Variants in UNC80 observed in about 807,000 individuals in gnomAD.
The protein encoded by UNC80 is protein unc-80 homolog.
Under a neutral mutation model 384.6 loss-of-function variants are expected in UNC80, and 164 were observed. The observed-to-expected ratio is 0.43, with a 90% CI of 0.38 to 0.49. The LOEUF (loss-of-function observed/expected upper bound fraction) is 0.49. Among genes scored for constraint, UNC80 ranks in the 20% least tolerant of loss-of-function variants. The pLI, the probability that UNC80 is intolerant of heterozygous loss-of-function variation, is 0.00. For missense variants in UNC80, 3,330 were observed against 4,143.0 expected, an observed-to-expected ratio of 0.80 and a Z score of 5.39; for synonymous variants, 1,486 against 1,527.8, an observed-to-expected ratio of 0.97 and a Z score of 0.64.
intron 22 of UNC80, among the ~76,000 whole-genome samples, chr2:209,863,743 T>C (rs1249929044): frequency 1.3e-5 from 2 of 152,008 alleles, no homozygotes; most frequent in Non-Finnish European, 2.9e-5. Context: ...CTCTAACCTT[T>C]TATCAAGGTT....
chr2:209,968,556 ATTC>A (rs1346126192), intron 52 of UNC80: 1 of 152,148 alleles, frequency 6.6e-6, no homozygotes, highest in Non-Finnish European at 1.5e-5. Context: ...TTGTTTTTAT[ATTC>A]TTTTATACCG....
intron 7 of UNC80, among the ~76,000 whole-genome samples, chr2:209,807,009 A>G (rs2078941630): frequency 6.6e-6 from 1 of 152,238 alleles, no homozygotes; most frequent in Non-Finnish European, 1.5e-5. Flanking sequence ...TGGAAAGTAG[A>G]CTAAAGAAAT....
In UNC80 at chr2:209,989,095, T is replaced by C. The variant is rs2093345281; in HGVS notation, c.9315-3071T>C. On this transcript the variant is annotated intron_variant, in intron 61 of 64. Transcript: ENST00000673920. ...TGGGAGGCCGAGGCAGGCAGATTGC[T>C]TGAGGCCAGGAGTTTGAGACCAGCC... Among the ~76,000 whole-genome samples the C allele has an allele frequency of 2.0e-5, 3 of 151,806 alleles. No individual in the cohort carries two copies. In the South Asian group the frequency reaches 6.2e-4, roughly 32 times the overall value.
At chr2:209,808,619 G>C (rs1020873063) in intron 7 of UNC80, among the ~76,000 whole-genome samples, 2 of 152,162 alleles carry the variant, frequency 1.3e-5, no homozygotes, top group African/African-American at 4.8e-5. Flanking sequence ...GCCTTAGGGG[G>C]AGGCACGCCT....
chr2:209,981,614 A>C (rs987020045), intron 59 of UNC80, among the ~76,000 whole-genome samples: 3 of 152,198 alleles, frequency 2.0e-5, no homozygotes, highest in Non-Finnish European at 4.4e-5. Flanking sequence ...AAAACAAAAA[A>C]AACTCTGCTT....
intron 21 of UNC80, among the ~76,000 whole-genome samples, chr2:209,846,272 G>T (rs2082164313): frequency 1.3e-5 from 2 of 151,940 alleles, no homozygotes; most frequent in Admixed American, 1.3e-4. Flanking sequence ...AACTGTATCT[G>T]GTGAACATGA....
intron 7 of UNC80, among the ~76,000 whole-genome samples, chr2:209,796,715 C>G (rs1361419172): frequency 1.3e-5 from 2 of 152,182 alleles, no homozygotes; most frequent in African/African-American, 4.8e-5. Flanking sequence ...TCATTTTTCT[C>G]TTGCTGCCAC....
At chr2:209,859,821 T>G (rs1269527136) in intron 22 of UNC80, among the ~76,000 whole-genome samples, 1 of 152,212 alleles carries the variant, frequency 6.6e-6, no homozygotes, top group Non-Finnish European at 1.5e-5. Flanking sequence ...GGCTGCATAA[T>G]GTCTCCTTTT....
chr2:209,785,949 C>CT, intron 4 of UNC80, 117 bp from the exon 5 acceptor site: 1 of 1,173,964 alleles, frequency 8.5e-7, no homozygotes, highest in Non-Finnish European at 1.2e-6. Flanking sequence ...GAAGGTTTGG[C>CT]AGATAAATTC....
intron 38 of UNC80, among the ~76,000 whole-genome samples, chr2:209,933,468 A>G (rs1195766300): frequency 6.7e-6 from 1 of 150,292 alleles, no homozygotes; most frequent in Non-Finnish European, 1.5e-5. Context: ...ACTATTAGAC[A>G]TAATCCAAGC....
chr2:209,867,504 T>C (rs963379620), intron 22 of UNC80, among the ~76,000 whole-genome samples: 4 of 152,168 alleles, frequency 2.6e-5, no homozygotes, highest in African/African-American at 9.6e-5. Flanking sequence ...AAAGACTTTT[T>C]CCTTTTGTTT....
Position 209,904,975 on chromosome 2 carries a change from T to G in UNC80, c.4782+10T>G. 6.4e-7 allele frequency: 1 copy of G among 1,551,334 alleles called. No individual in the cohort carries two copies. The highest frequency in any genetic ancestry group is 8.7e-7 in the Non-Finnish European group (1 of 1,146,726). ...CAAGAAACAGAAAGAAGTAAGTAAA[T>G]GACCATTGAATGATATTCTAATACT... On this transcript the variant is annotated intron_variant, in intron 29 of 64. Coordinates refer to ENST00000673920, the MANE Select transcript of UNC80 (RefSeq NM_001371986.1).
intron 29 of UNC80, among the ~76,000 whole-genome samples, chr2:209,908,797 G>T (rs1275149645): frequency 6.6e-6 from 1 of 152,184 alleles, no homozygotes; most frequent in Non-Finnish European, 1.5e-5. Context: ...GGGCCAGGAT[G>T]ACTGTCCACT....
chr2:209,874,907 T>C (rs2084641638), intron 23 of UNC80, among the ~76,000 whole-genome samples: 1 of 152,148 alleles, frequency 6.6e-6, no homozygotes, highest in African/African-American at 2.4e-5. Context: ...CTTTCTATTC[T>C]TATTGATACC....
At chr2:209,844,284 C>T (rs911215584) in intron 21 of UNC80, among the ~76,000 whole-genome samples, 1 of 152,092 alleles carries the variant, frequency 6.6e-6, no homozygotes, top group African/African-American at 2.4e-5. Flanking sequence ...TTTAAGTTCT[C>T]TTTATGCACT....
At chr2:209,835,594 T>C (rs559982027) in intron 18 of UNC80, among the ~76,000 whole-genome samples, 2 of 152,346 alleles carry the variant, frequency 1.3e-5, no homozygotes, top group East Asian at 3.9e-4. Context: ...AGGGTTATCA[T>C]AGACACTAAT....
intron 19 of UNC80, among the ~76,000 whole-genome samples, chr2:209,840,088 C>A (rs534972074): frequency 1.3e-5 from 2 of 152,204 alleles, no homozygotes; most frequent in African/African-American, 4.8e-5. Context: ...GTAACTCAAG[C>A]AAGTAAACTT....
intron 28 of UNC80, among the ~76,000 whole-genome samples, chr2:209,904,331 G>A (rs777187139): frequency 5.3e-5 from 8 of 152,212 alleles, no homozygotes; most frequent in Non-Finnish European, 1.2e-4. Flanking sequence ...GGGTGGGCTG[G>A]CATTAAAGGT....
chr2:209,901,216 A>G (rs1415225172), intron 28 of UNC80, among the ~76,000 whole-genome samples: 2 of 152,240 alleles, frequency 1.3e-5, no homozygotes, highest in African/African-American at 4.8e-5. Flanking sequence ...ACCTGGCTTC[A>G]AAACTTAAAA....
Sources: gnomAD v4.1 joint callset for allele counts (sites outside exome capture counted in the v4.1 genomes callset) on GRCh38, gnomAD v4.1.1 for gene constraint, MANE v1.5 for transcripts, NCBI Gene and HGNC (gene_info 2026-07-23, HGNC 2026-07-21) for gene names.